GASK1A: variants seen among roughly 807,000 people sequenced by gnomAD.
GASK1A encodes the protein Golgi-associated kinase 1A.
Under a neutral mutation model 41.2 loss-of-function variants are expected in GASK1A, and 40 were observed. That is an observed-to-expected ratio of 0.97 (90% confidence interval 0.75 to 1.27). GASK1A has a LOEUF of 1.27. GASK1A is among the 50% of genes most tolerant of loss of function. The pLI is 0.00. For synonymous variants in GASK1A, 316 were observed against 307.1 expected (o/e 1.03, Z -0.30); for missense variants, 678 against 745.1 (o/e 0.91, Z 1.05).
intron 2 of GASK1A, among the ~76,000 whole-genome samples, chr3:43,049,856 A>G (rs1575452634): frequency 1.3e-5 from 2 of 152,152 alleles, no homozygotes; most frequent in East Asian, 1.9e-4. Context: ...ATTTATAACA[A>G]TCTAGGTCAG....
intron 1 of GASK1A, among the ~76,000 whole-genome samples, chr3:42,997,447 GA>G: frequency 6.7e-6 from 1 of 148,752 alleles, no homozygotes; most frequent in African/African-American, 2.4e-5. Context: ...AGGGGGGGGG[GA>G]TCTGGGATCC....
chr3:42,987,153 A>G (rs1490684643), intron 1 of GASK1A, among the ~76,000 whole-genome samples: 2 of 152,390 alleles, frequency 1.3e-5, no homozygotes, highest in East Asian at 3.9e-4. Flanking sequence ...CCATGAGAGC[A>G]CACCTGAACA....
rs1016100110 is a variant in GASK1A at position 43,057,366 on chromosome 3, A to G, written c.*980A>G. The G allele has an allele frequency of 6.6e-6, 1 of 152,210 alleles. No homozygotes were observed. The highest frequency in any genetic ancestry group is 1.5e-5 in the Non-Finnish European group (1 of 68,042). The allele number at this position is 152,210 out of a possible 1,614,324, so 9.4% of individuals were successfully genotyped here. A position where few individuals can be genotyped will look rare whatever the true frequency, so the allele number is the denominator to read the frequency against. On this transcript the variant is annotated 3_prime_UTR_variant, in exon 5 of 5. Transcript: ENST00000430121. ...TATGGGCATTCAGTATTCTGAGAGA[A>G]ACTGCCAAATTGCTCTCTGAAATGG...
intron 1 of GASK1A, among the ~76,000 whole-genome samples, chr3:43,003,761 A>G (rs1313471408): frequency 6.6e-6 from 1 of 152,202 alleles, no homozygotes; most frequent in Non-Finnish European, 1.5e-5. Flanking sequence ...ATGTTTTATA[A>G]TGAACATATT....
rs2089712096 is a variant in GASK1A, at chr3:43,055,541, G to T, written c.1517+6G>T. The T allele has an allele frequency of 1.9e-6, 3 of 1,547,612 alleles. No individual in the cohort carries two copies. The highest frequency in any genetic ancestry group is 2.6e-6 in the Non-Finnish European group (3 of 1,143,268). On this transcript the variant is annotated splice_donor_region_variant and intron_variant, in intron 4 of 4. Transcript: ENST00000430121. ...CTGCTGGAGGGCATAGATGGGTGAG[G>T]GTCAAAAGGGTTGGGTGGAAGTTCA... is the stretch of plus-strand genomic sequence containing the variant.
At chr3:43,034,326 G>A (rs1215241269) in intron 2 of GASK1A, among the ~76,000 whole-genome samples, 2 of 152,172 alleles carry the variant, frequency 1.3e-5, no homozygotes, top group Admixed American at 6.5e-5. Context: ...TTGCTGGATC[G>A]AGGGGTAGTG....
intron 1 of GASK1A, among the ~76,000 whole-genome samples, chr3:43,002,595 T>C (rs1180378547): frequency 6.6e-6 from 1 of 152,216 alleles, no homozygotes; most frequent in Non-Finnish European, 1.5e-5. Context: ...CTGGTCTGAA[T>C]TGAGATGTGC....
intron 2 of GASK1A, among the ~76,000 whole-genome samples, chr3:43,040,335 A>G (rs1289827113): frequency 6.6e-6 from 1 of 152,136 alleles, no homozygotes; most frequent in Non-Finnish European, 1.5e-5. Context: ...TGTTCCAGGA[A>G]AGGGTCTATT....
intron 1 of GASK1A, among the ~76,000 whole-genome samples, chr3:43,004,025 G>A (rs1223708695): frequency 1.3e-5 from 2 of 152,092 alleles, no homozygotes; most frequent in Non-Finnish European, 2.9e-5. Context: ...TGAGGGTGTC[G>A]TTGTTTTGGT....
rs115150140 is a variant in GASK1A at position 43,028,512 on chromosome 3, C to A, written c.4-3755C>A. The stretch of plus-strand genomic sequence containing the variant: ...TATCAAGTAATGTAAATTAGCTAAA[C>A]CCACCTAATGAAAGAACACAGAGCT... On this transcript the variant is annotated intron_variant, in intron 1 of 4. Transcript: ENST00000430121. Among the ~76,000 whole-genome samples, 1,002 of 152,112 alleles carry A rather than the reference C, an allele frequency of 6.6e-3. 12 individuals are homozygous for A. Among genetic ancestry groups the A allele is most frequent in the African/African-American group, 0.023 (948 of 41,482 alleles).
intron 2 of GASK1A, among the ~76,000 whole-genome samples, chr3:43,051,685 A>G (rs2089688833): frequency 6.6e-6 from 1 of 152,152 alleles, no homozygotes; most frequent in Admixed American, 6.5e-5. Flanking sequence ...TGGTGTTGAA[A>G]CATTTGCCAG....
chr3:43,032,402 A>T lies in GASK1A; in HGVS notation c.139A>T (p.Met47Leu). 1.3e-6 allele frequency: 2 copies of T among 1,551,550 alleles called. No individual in the cohort carries two copies. The highest frequency in any genetic ancestry group is 8.7e-7 in the Non-Finnish European group (1 of 1,146,872). The change falls in exon 2 of 5, where the codon ATG becomes TTG. Residue 47 changes from methionine (M) to leucine (L), a missense_variant. Transcript: ENST00000430121. ...ATCCGCCGGCCCAGACCCTGGTCCC[A>T]TGGAGCCTCAGGGGGTAACTGGCGC... Reference protein sequence around the residue: ...RPSAGPDPGPMEPQGVTGAPA... With the variant: ...RPSAGPDPGPLEPQGVTGAPA...
chr3:43,043,211 GT>G (rs1176230642), intron 2 of GASK1A, among the ~76,000 whole-genome samples: 1 of 152,160 alleles, frequency 6.6e-6, no homozygotes, highest in African/African-American at 2.4e-5. Context: ...ACTGCTCCCA[GT>G]TTGGGGAAGT....
chr3:43,017,700 C>A (rs2089499886), intron 1 of GASK1A, among the ~76,000 whole-genome samples: 1 of 150,026 alleles, frequency 6.7e-6, no homozygotes, highest in Non-Finnish European at 1.5e-5. Flanking sequence ...TGTGAAGTCA[C>A]AAGAAGGGGC....
At chr3:42,987,566 A>G (rs2089318502) in intron 1 of GASK1A, among the ~76,000 whole-genome samples, 1 of 150,562 alleles carries the variant, frequency 6.6e-6, no homozygotes. Context: ...TAACTTAACA[A>G]TGATACTAAT....
At chr3:43,008,018 T>C (rs1039522232) in intron 1 of GASK1A, among the ~76,000 whole-genome samples, 10 of 152,178 alleles carry the variant, frequency 6.6e-5, no homozygotes, top group South Asian at 4.1e-4. Context: ...GAAAGGCAGG[T>C]GGAGAAACAA....
At chr3:42,997,793 T>A (rs1304549553) in intron 1 of GASK1A, among the ~76,000 whole-genome samples, 1 of 152,174 alleles carries the variant, frequency 6.6e-6, no homozygotes, top group Admixed American at 6.5e-5. Context: ...AGGATTCCAG[T>A]GCAAACAGTT....
chr3:43,003,934 C>T (rs564119043), intron 1 of GASK1A, among the ~76,000 whole-genome samples: 73 of 152,284 alleles, frequency 4.8e-4, no homozygotes, highest in African/African-American at 1.7e-3. Context: ...ATAATTGAAT[C>T]CCACTACTGT....
chr3:42,980,154 G>A (rs2089275286), intron 1 of GASK1A, among the ~76,000 whole-genome samples: 2 of 152,150 alleles, frequency 1.3e-5, no homozygotes, highest in South Asian at 4.1e-4. Context: ...CTCTAGTAAG[G>A]TTCCAATCCG....
Sources: gnomAD v4.1 joint callset for allele counts (sites outside exome capture counted in the v4.1 genomes callset) on GRCh38, gnomAD v4.1.1 for gene constraint, MANE v1.5 for transcripts, NCBI Gene and HGNC (gene_info 2026-07-23, HGNC 2026-07-21) for gene names.